ADAMTS9: variants seen among roughly 807,000 people sequenced by gnomAD.
The protein encoded by ADAMTS9 is A disintegrin and metalloproteinase with thrombospondin motifs 9.
Under a neutral mutation model 257.1 loss-of-function variants are expected in ADAMTS9, and 107 were observed. That is an observed-to-expected ratio of 0.42 (90% CI 0.36 to 0.49). ADAMTS9 has a LOEUF of 0.49. Ranked by LOEUF, ADAMTS9 falls within the 20% of genes least tolerant of loss-of-function variation. ADAMTS9 has a pLI of 0.03. For missense variants in ADAMTS9, 2,353 were observed against 2,469.1 expected (o/e 0.95, Z 1.00); for synonymous variants, 982 against 880.9 (o/e 1.11, Z -2.03).
chr3:64,533,150 A>G lies in ADAMTS9; in HGVS notation c.5718+16T>C, dbSNP rs1159528156. ...GAAATAAAAATTCATCTCCCAACCC[A>G]TCTGTAGAACCTTACCGGCGACTTC... On this transcript the variant is annotated intron_variant, in intron 38 of 39. Transcript: ENST00000498707. 1.3e-6 allele frequency: 2 copies of G among 1,595,886 alleles called. No individual in the cohort carries two copies. Among genetic ancestry groups the G allele is most frequent in the Non-Finnish European group, 1.7e-6 (2 of 1,164,354 alleles).
At chr3:64,517,870 T>C (rs2106861880) in intron 39 of ADAMTS9, among the ~76,000 whole-genome samples, 1 of 152,310 alleles carries the variant, frequency 6.6e-6, no homozygotes, top group South Asian at 2.1e-4. Context: ...TCCTCCTTTC[T>C]GATAACAAAA....
At chr3:64,568,094 G>A (rs1169772844) in intron 29 of ADAMTS9, among the ~76,000 whole-genome samples, 4 of 152,094 alleles carry the variant, frequency 2.6e-5, no homozygotes, top group African/African-American at 9.7e-5. Context: ...GTATTGAGGG[G>A]CTGACCTGTG....
chr3:64,526,102 ATAT>A (rs1033236189), intron 38 of ADAMTS9, among the ~76,000 whole-genome samples: 3 of 147,726 alleles, frequency 2.0e-5, no homozygotes, highest in African/African-American at 4.9e-5. Context: ...TATATAGTAT[ATAT>A]TATTATAAAT....
rs143048322 is a variant in ADAMTS9 at position 64,570,695 on chromosome 3, C to CAA, written c.4357-2162_4357-2161dup. Among the ~76,000 whole-genome samples the CAA allele has an allele frequency of 3.5e-3, 166 of 47,016 alleles. 6 individuals are homozygous for CAA. The highest frequency in any genetic ancestry group is 0.019 in the Middle Eastern group (1 of 54). 30.8% of individuals were successfully genotyped at this position (47,016 alleles called of 152,430 possible). ...TGGGCGAAAGAGCAAGACTCCGTCT[C>CAA]AAAAAAAAAAAAAAAAAAAAAAAAA... On this transcript the variant is annotated intron_variant, in intron 28 of 39. Transcript: ENST00000498707.
intron 14 of ADAMTS9, among the ~76,000 whole-genome samples, chr3:64,632,531 G>C (rs1700391308): frequency 6.6e-6 from 1 of 152,184 alleles, no homozygotes; most frequent in Non-Finnish European, 1.5e-5. Flanking sequence ...TGAGGCCTGA[G>C]GCTCCATCGA....
intron 28 of ADAMTS9, among the ~76,000 whole-genome samples, chr3:64,576,215 C>G (rs1422165454): frequency 1.3e-5 from 2 of 152,190 alleles, no homozygotes; most frequent in Non-Finnish European, 2.9e-5. Context: ...CCATCATTCC[C>G]TGCTTACACT....
chr3:64,571,334 C>G (rs2083680152), intron 28 of ADAMTS9, among the ~76,000 whole-genome samples: 1 of 152,158 alleles, frequency 6.6e-6, no homozygotes, highest in South Asian at 2.1e-4. Flanking sequence ...ATGGCATAAC[C>G]ACAATGCTTT....
chr3:64,666,173 T>C (rs1701350702), intron 3 of ADAMTS9, among the ~76,000 whole-genome samples: 1 of 152,204 alleles, frequency 6.6e-6, no homozygotes. Context: ...CACTTCACGT[T>C]GCAATACAAT....
chr3:64,575,150 T>C (rs184589692), intron 28 of ADAMTS9, among the ~76,000 whole-genome samples: 3 of 152,320 alleles, frequency 2.0e-5, no homozygotes. Flanking sequence ...GATGGGTGAA[T>C]GCTCTTTACA....
chr3:64,617,767 A>T (rs2106850787), intron 19 of ADAMTS9, among the ~76,000 whole-genome samples: 1 of 152,298 alleles, frequency 6.6e-6, no homozygotes, highest in African/African-American at 2.4e-5. Flanking sequence ...CAGCATTATT[A>T]ACCTCCACAG....
At position 64,686,832 on chromosome 3, in the gene ADAMTS9, A is replaced by G; in HGVS notation, c.252T>C (p.Pro84=). ...AGGAGGAAGAGGAGGAGGCGAAGGC[A>G]GGCCAGGGGTCAGTGGCAGAGTTAA... ...RSINSATDPW[P]AFASSSSSST... Residue 84 remains proline, a synonymous_variant, in exon 2 of 40, where the codon CCT becomes CCC. Transcript: ENST00000498707. This position sits in a 1 kb window ranked among gnomAD's most constrained non-coding sequence, Gnocchi z 4.6. The G allele has an allele frequency of 6.2e-7, 1 of 1,614,140 alleles. No individual in the cohort carries two copies. Among genetic ancestry groups the G allele is most frequent in the South Asian group, 1.1e-5 (1 of 91,076 alleles).
At chr3:64,565,390 C>G (rs543825041) in intron 29 of ADAMTS9, 1 of 152,250 alleles carries the variant, frequency 6.6e-6, no homozygotes, top group Non-Finnish European at 1.5e-5. Context: ...CAAAACACAC[C>G]ATTATATTTT....
chr3:64,687,607 C>A lies in ADAMTS9; in HGVS notation c.51G>T (p.Leu17=). 1.3e-6 allele frequency: 2 copies of A among 1,586,674 alleles called. No individual in the cohort carries two copies. Among genetic ancestry groups the A allele is most frequent in the South Asian group, 1.2e-5 (1 of 86,644 alleles). ...ATLLTLLVRD[L]AEMGSPDAAA... Reference sequence around the variant, plus strand: ...CGGCGTCTGGGCTCCCCATCTCGGCCAGGTCCCGCACCAGGAGCGTTAGCA... The same window carrying A: ...CGGCGTCTGGGCTCCCCATCTCGGCAAGGTCCCGCACCAGGAGCGTTAGCA... The change falls in exon 1 of 40, where the codon CTG becomes CTT. Residue 17 remains leucine (L), a synonymous_variant. Transcript: ENST00000498707. This position sits in a 1 kb window ranked among gnomAD's most constrained non-coding sequence, Gnocchi z 4.4.
rs776852391 is a variant in ADAMTS9, at chr3:64,633,699, T to C, written c.2037A>G (p.Gly679=). 2 of 1,613,582 alleles carry C rather than the reference T, an allele frequency of 1.2e-6. No homozygotes were observed. The part of the protein sequence containing the change: ...PNVRWVPKYS[G]ILMKDRCKLF... ...AACAGATACACCAGACACACTTACT[T>C]CCACTGTATTTAGGGACCCAGCGCA... is the stretch of plus-strand genomic sequence containing the variant. The change falls in exon 13 of 40, where the codon GGA becomes GGG. Residue 679 remains glycine, a splice_region_variant and synonymous_variant. Coordinates refer to ENST00000498707, the MANE Select transcript of ADAMTS9 (RefSeq NM_182920.2).
intron 16 of ADAMTS9, among the ~76,000 whole-genome samples, chr3:64,626,253 T>C (rs896240656): frequency 3.9e-5 from 6 of 152,174 alleles, no homozygotes; most frequent in African/African-American, 1.4e-4. Flanking sequence ...AGGCATGACT[T>C]AAAATAGTTA....
chr3:64,577,467 T>C (rs1240958934), intron 28 of ADAMTS9, among the ~76,000 whole-genome samples: 2 of 152,218 alleles, frequency 1.3e-5, no homozygotes, highest in East Asian at 3.8e-4. Flanking sequence ...CATGGGATTA[T>C]TTATGAAAGC....
chr3:64,679,461 C>G (rs888925040), intron 3 of ADAMTS9, among the ~76,000 whole-genome samples: 3 of 152,166 alleles, frequency 2.0e-5, no homozygotes, highest in Non-Finnish European at 4.4e-5. Flanking sequence ...GTAACTACCT[C>G]ATAGGTTTGT....
Position 64,686,453 on chromosome 3 carries a change from C to T in ADAMTS9, c.516+115G>A. 1.5e-6 allele frequency: 2 copies of T among 1,353,586 alleles called. No homozygotes were observed. Among genetic ancestry groups the T allele is most frequent in the Non-Finnish European group, 2.0e-6 (2 of 1,013,136 alleles). The allele number at this position is 1,353,586 out of a possible 1,614,324, so 83.8% of individuals were successfully genotyped here. A position where few individuals can be genotyped will look rare whatever the true frequency, so the allele number is the denominator to read the frequency against. On this transcript the variant is annotated intron_variant, in intron 2 of 39. Coordinates refer to ENST00000498707, the MANE Select transcript of ADAMTS9 (RefSeq NM_182920.2). This position sits in a 1 kb window ranked among gnomAD's most constrained non-coding sequence, Gnocchi z 4.6. ...CGAGTTTCTAGCTGATATTTAACGCCGGAGAGGAGCGGAGCCTCGCCACAG... is the reference window on the plus strand; with the variant it reads ...CGAGTTTCTAGCTGATATTTAACGCTGGAGAGGAGCGGAGCCTCGCCACAG...
chr3:64,666,628 T>C (rs4688497), intron 3 of ADAMTS9, among the ~76,000 whole-genome samples: 19,980 of 143,652 alleles, frequency 0.14, 1,753 homozygotes, highest in African/African-American at 0.26. Flanking sequence ...AGTTTCCTCA[T>C]CTGTAAAATG....
Sources: gnomAD v4.1 joint callset for allele counts (sites outside exome capture counted in the v4.1 genomes callset) on GRCh38, gnomAD v4.1.1 for gene constraint, Gnocchi (gnomAD v3.1) non-coding constraint, MANE v1.5 for transcripts, NCBI Gene and HGNC (gene_info 2026-07-23, HGNC 2026-07-21) for gene names.